ALK: variants seen among roughly 807,000 people sequenced by gnomAD.
ALK encodes the protein ALK receptor tyrosine kinase.
In ALK, 74 loss-of-function variants were observed where a neutral mutation model predicts 163.1. The ratio of observed to expected loss-of-function variants is 0.45; its 90% CI spans 0.38 to 0.55. ALK has a LOEUF of 0.55. ALK is among the 20% of genes least tolerant of loss of function. The pLI is 0.00. For synonymous variants in ALK, 960 were observed against 843.2 expected (o/e 1.14, Z -2.40); for missense variants, 2,063 against 2,105.3 (o/e 0.98, Z 0.39).
At chr2:29,604,493 T>C (rs986330229) in intron 3 of ALK, among the ~76,000 whole-genome samples, 18 of 152,204 alleles carry the variant, frequency 1.2e-4, no homozygotes, top group Non-Finnish European at 4.4e-5. Flanking sequence ...GCAAAACTCA[T>C]GGCCCAGAAT....
At chr2:29,792,851 T>C (rs1664221271) in intron 1 of ALK, among the ~76,000 whole-genome samples, 1 of 152,172 alleles carries the variant, frequency 6.6e-6, no homozygotes, top group Admixed American at 6.5e-5. Context: ...TGGCTGACAA[T>C]CATCTGGGTC....
chr2:29,287,542 A>C (rs1453184290), intron 9 of ALK, among the ~76,000 whole-genome samples: 1 of 152,196 alleles, frequency 6.6e-6, no homozygotes, highest in East Asian at 1.9e-4. Context: ...CTGAAAAAAA[A>C]TCCCAATGAC....
chr2:29,621,079 C>A (rs1676022451), intron 3 of ALK, among the ~76,000 whole-genome samples: 1 of 152,110 alleles, frequency 6.6e-6, no homozygotes, highest in African/African-American at 2.4e-5. Flanking sequence ...CTTTGGCTGC[C>A]ATCCTGGGAC....
chr2:29,623,123 T>C (rs952521322), intron 3 of ALK, among the ~76,000 whole-genome samples: 3 of 152,226 alleles, frequency 2.0e-5, no homozygotes, highest in Admixed American at 6.5e-5. Flanking sequence ...GAAATATAAA[T>C]TGATTCAAGG....
intron 1 of ALK, among the ~76,000 whole-genome samples, chr2:29,804,163 T>C (rs892440068): frequency 6.6e-6 from 1 of 152,230 alleles, no homozygotes; most frequent in Non-Finnish European, 1.5e-5. Context: ...TAGAACATTT[T>C]CAGAACAGTA....
At chr2:29,910,491 T>A (rs1299144038) in intron 1 of ALK, among the ~76,000 whole-genome samples, 1 of 151,830 alleles carries the variant, frequency 6.6e-6, no homozygotes, top group Non-Finnish European at 1.5e-5. Context: ...GAACCAAGAG[T>A]CTATCAACAA....
intron 3 of ALK, among the ~76,000 whole-genome samples, chr2:29,616,739 G>A (rs1300834731): frequency 6.6e-6 from 1 of 152,038 alleles, no homozygotes; most frequent in Non-Finnish European, 1.5e-5. Flanking sequence ...AATAGACAGA[G>A]GACTGGCCTT....
chr2:29,527,651 G>A (rs946307763), intron 4 of ALK, among the ~76,000 whole-genome samples: 1 of 152,088 alleles, frequency 6.6e-6, no homozygotes, highest in South Asian at 2.1e-4. Flanking sequence ...GGGATTACAG[G>A]CATGTACCAC....
chr2:29,725,101 G>C (rs1286591599), intron 1 of ALK, among the ~76,000 whole-genome samples: 2 of 130,174 alleles, frequency 1.5e-5, no homozygotes, highest in Non-Finnish European at 3.1e-5. Context: ...AAAGGAAATT[G>C]TTAGCATGGT....
chr2:29,219,229 G>A (rs1264761255), intron 23 of ALK, among the ~76,000 whole-genome samples: 3 of 152,130 alleles, frequency 2.0e-5, no homozygotes, highest in African/African-American at 7.2e-5. Context: ...TTATCTCCCT[G>A]CTCCCTGCCC....
chr2:29,281,785 C>A (rs190350445), intron 9 of ALK, among the ~76,000 whole-genome samples: 1 of 152,180 alleles, frequency 6.6e-6, no homozygotes, highest in Admixed American at 6.5e-5. Flanking sequence ...CAGAATTGGG[C>A]GCCTCGGAGA....
chr2:29,294,067 A>G (rs904111087), intron 9 of ALK, among the ~76,000 whole-genome samples: 3 of 152,224 alleles, frequency 2.0e-5, no homozygotes, highest in African/African-American at 7.2e-5. Flanking sequence ...TGCCTAAGGA[A>G]GCTTCATGGG....
chr2:29,700,666 A>T (rs1035879235), intron 2 of ALK, among the ~76,000 whole-genome samples: 3 of 152,190 alleles, frequency 2.0e-5, no homozygotes, highest in African/African-American at 7.2e-5. Flanking sequence ...ATCATCTGAT[A>T]CTCACTTCCT....
At chr2:29,222,943 T>C (rs11685441) in intron 20 of ALK, among the ~76,000 whole-genome samples, 31,441 of 152,078 alleles carry the variant, frequency 0.21, 4,415 homozygotes, top group Non-Finnish European at 0.3. Flanking sequence ...TCATGCTCCT[T>C]GGGGAGAGAC....
At chr2:29,229,585 G>C (rs1231595416) in intron 15 of ALK, among the ~76,000 whole-genome samples, 1 of 152,192 alleles carries the variant, frequency 6.6e-6, no homozygotes, top group Non-Finnish European at 1.5e-5. Flanking sequence ...GCCCGTTGCT[G>C]TCTGTGAAAC....
intron 4 of ALK, among the ~76,000 whole-genome samples, chr2:29,386,371 G>T (rs1264174889): frequency 6.6e-6 from 1 of 152,272 alleles, no homozygotes; most frequent in Non-Finnish European, 1.5e-5. Flanking sequence ...AGGAAAAGGA[G>T]GGCTTTCGGT....
At chr2:29,637,709 C>A (rs866067387) in intron 3 of ALK, among the ~76,000 whole-genome samples, 238 of 112,302 alleles carry the variant, frequency 2.1e-3, no homozygotes, top group Middle Eastern at 5.0e-3. Context: ...ACTCCGTCTC[C>A]AAAAAAAAAA....
intron 13 of ALK, among the ~76,000 whole-genome samples, chr2:29,234,771 C>G (rs1272511303): frequency 6.6e-6 from 1 of 152,210 alleles, no homozygotes; most frequent in African/African-American, 2.4e-5. Context: ...CTGTTCTTAT[C>G]TGTTTGTTTT....
chr2:29,259,075 T>TA (rs1208182739), intron 11 of ALK, among the ~76,000 whole-genome samples: 1 of 152,214 alleles, frequency 6.6e-6, no homozygotes, highest in Non-Finnish European at 1.5e-5. Context: ...ACTTTTTATT[T>TA]AACCTCGTGT....
Sources: allele counts gnomAD v4.1 joint callset (sites outside exome capture counted in the v4.1 genomes callset), GRCh38; gene constraint gnomAD v4.1.1; transcripts MANE v1.5; gene names NCBI Gene and HGNC (gene_info 2026-07-23, HGNC 2026-07-21).